Variants in TMPRSS2 observed in about 807,000 individuals in gnomAD.
The protein encoded by TMPRSS2 is transmembrane protease serine 2.
In TMPRSS2, 59 loss-of-function variants were observed where a neutral mutation model predicts 67.4. The observed-to-expected ratio is 0.88, with a 90% CI of 0.71 to 1.09. The LOEUF (loss-of-function observed/expected upper bound fraction) is 1.09. TMPRSS2 is among the 50% of genes least tolerant of loss of function. The pLI is 0.00. For synonymous variants in TMPRSS2, 257 were observed against 257.0 expected (o/e 1.00, Z 0.00); for missense variants, 668 against 642.7 (o/e 1.04, Z -0.43).
chr21:41,486,153 C>G (rs572593241), intron 5 of TMPRSS2, among the ~76,000 whole-genome samples: 1 of 152,188 alleles, frequency 6.6e-6, no homozygotes, highest in South Asian at 2.1e-4. Context: ...TCTGACTCTA[C>G]AATTCTGAAA....
chr21:41,495,766 C>T (rs2091376807), intron 2 of TMPRSS2, among the ~76,000 whole-genome samples: 2 of 151,984 alleles, frequency 1.3e-5, no homozygotes, highest in Admixed American at 6.6e-5. Flanking sequence ...GGCAGCAAAG[C>T]TCTGGGGCCC....
At chr21:41,493,356 A>G (rs2091353298) in intron 3 of TMPRSS2, among the ~76,000 whole-genome samples, 1 of 152,044 alleles carries the variant, frequency 6.6e-6, no homozygotes, top group South Asian at 2.1e-4. Flanking sequence ...GCCATTTGTG[A>G]AGGGTGAGGG....
At chr21:41,492,218 C>CA (rs34769294) in intron 3 of TMPRSS2, among the ~76,000 whole-genome samples, 33,928 of 151,584 alleles carry the variant, frequency 0.22, 3,904 homozygotes, top group Middle Eastern at 0.3. Context: ...AAACAAACAA[C>CA]AAAAAAAACC....
chr21:41,495,834 C>A (rs1286614347), intron 2 of TMPRSS2, among the ~76,000 whole-genome samples: 2 of 151,952 alleles, frequency 1.3e-5, no homozygotes, highest in Non-Finnish European at 2.9e-5. Flanking sequence ...CAGGGCAAAC[C>A]CACCCCAGGG....
intron 12 of TMPRSS2, 115 bp downstream of exon 12, chr21:41,468,281 G>T: frequency 7.3e-7 from 1 of 1,370,222 alleles, no homozygotes; most frequent in South Asian, 1.4e-5. Context: ...TGACTGCCCC[G>T]AGCTGGCTCC....
intron 11 of TMPRSS2, 112 bp downstream of exon 11, chr21:41,470,536 G>A (rs2091123405): frequency 1.0e-6 from 1 of 1,002,812 alleles, no homozygotes; most frequent in Non-Finnish European, 1.5e-6. Flanking sequence ...ATCAACCAAA[G>A]TCATCCAGTC....
chr21:41,489,596 G>A lies in TMPRSS2; in HGVS notation c.239-3C>T. 1 of 1,611,946 alleles carries A rather than the reference G, an allele frequency of 6.2e-7. No homozygotes were observed. The highest frequency in any genetic ancestry group is 1.1e-5 in the South Asian group (1 of 91,022). On this transcript the variant is annotated splice_region_variant and splice_polypyrimidine_tract_variant and intron_variant, in intron 3 of 13. Coordinates refer to ENST00000332149, the MANE Select transcript of TMPRSS2 (RefSeq NM_005656.4). ...GATGCACAGTGCTTTCTTAGTCTCT[G>A]GAAGAAGGAGGAGAGTGCAACGTTC...
chr21:41,470,545 T>C, intron 11 of TMPRSS2, 103 bp downstream of exon 11: 2 of 1,077,914 alleles, frequency 1.9e-6, no homozygotes, highest in South Asian at 1.5e-5. Context: ...AGTCATCCAG[T>C]CATTGAGTAG....
chr21:41,471,066 T>C (rs2091129328), intron 10 of TMPRSS2, among the ~76,000 whole-genome samples: 1 of 152,372 alleles, frequency 6.6e-6, no homozygotes, highest in African/African-American at 2.4e-5. Context: ...AAAAAGCCGA[T>C]GGAGTCAATG....
chr21:41,467,653 C>T, intron 13 of TMPRSS2, 81 bp downstream of exon 13: 1 of 1,543,814 alleles, frequency 6.5e-7, no homozygotes, highest in Non-Finnish European at 8.8e-7. Flanking sequence ...CAGCTTCCAG[C>T]AGCAGAACCA....
At chr21:41,497,767 A>C (rs548742822) in intron 2 of TMPRSS2, among the ~76,000 whole-genome samples, 1 of 152,228 alleles carries the variant, frequency 6.6e-6, no homozygotes, top group African/African-American at 2.4e-5. Flanking sequence ...CATCGATGGG[A>C]TCCCACGTGG....
chr21:41,504,945 T>C (rs907584611), intron 1 of TMPRSS2, among the ~76,000 whole-genome samples: 2 of 151,098 alleles, frequency 1.3e-5, no homozygotes, highest in African/African-American at 4.9e-5. Context: ...CGGGGAAGAG[T>C]AGCAAAGGCC....
At chr21:41,473,856 C>T (rs1431886737) in intron 8 of TMPRSS2, among the ~76,000 whole-genome samples, 1 of 143,270 alleles carries the variant, frequency 7.0e-6, no homozygotes, top group Non-Finnish European at 1.5e-5. Context: ...ATGGGAGGGG[C>T]AGGGCTGGAA....
chr21:41,486,000 G>A (rs2091295203), intron 5 of TMPRSS2, among the ~76,000 whole-genome samples: 3 of 152,170 alleles, frequency 2.0e-5, no homozygotes, highest in Non-Finnish European at 2.9e-5. Context: ...TTAGGAGAGG[G>A]GGGATTACTT....
At chr21:41,492,216 AAC>A (rs1428566119) in intron 3 of TMPRSS2, among the ~76,000 whole-genome samples, 5 of 142,714 alleles carry the variant, frequency 3.5e-5, no homozygotes, top group South Asian at 2.3e-4. Flanking sequence ...ACAAACAAAC[AAC>A]AAAAAAAACC....
At position 41,464,363 on chromosome 21, in the gene TMPRSS2, TAAG is replaced by T. The variant is rs1238471547; in HGVS notation, c.*1776_*1778del. Among the ~76,000 whole-genome samples the T allele has an allele frequency of 5.3e-5, 8 of 152,282 alleles. No homozygotes were observed. Among genetic ancestry groups the T allele is most frequent in the Admixed American group, 6.5e-5 (1 of 15,290 alleles). ...GCATGGAAACAGACTAATAGAATAA[TAAG>T]AAGGAGTCATTTGAGGGACCTCTCC... is the stretch of plus-strand genomic sequence containing the variant. On this transcript the variant is annotated 3_prime_UTR_variant, in exon 14 of 14. Transcript: ENST00000332149.
At position 41,465,592 on chromosome 21, in the gene TMPRSS2, G is replaced by A. The variant is rs899704883; in HGVS notation, c.*550C>T. The A allele has an allele frequency of 2.1e-5, 5 of 234,438 alleles. No individual in the cohort carries two copies. The highest frequency in any genetic ancestry group is 6.6e-5 in the African/African-American group (3 of 45,332). The allele number at this position is 234,438 out of a possible 1,614,324, so 14.5% of individuals were successfully genotyped here. On this transcript the variant is annotated 3_prime_UTR_variant, in exon 14 of 14. Transcript: ENST00000332149. ...TGTTCCCCTTACAAGTGACTACCAC[G>A]TCACCACCCATGAAGGGCTGGTCCC...
chr21:41,469,659 A>C (rs2091113966), intron 11 of TMPRSS2, among the ~76,000 whole-genome samples: 4 of 151,982 alleles, frequency 2.6e-5, no homozygotes, highest in Admixed American at 2.6e-4. Context: ...AATAGCCGGG[A>C]CCTTGTGATC....
chr21:41,498,127 A>AAGCCATCT lies in TMPRSS2; in HGVS notation c.-2_6dup (p.Leu3ArgfsTer4). 1.2e-6 allele frequency: 2 copies of AAGCCATCT among 1,611,448 alleles called. No individual in the cohort carries two copies. The highest frequency in any genetic ancestry group is 1.7e-6 in the Non-Finnish European group (2 of 1,177,840). The stretch of plus-strand genomic sequence containing the variant: ...AATAATTAACCACTTACTGAGTTCA[A>AAGCCATCT]AGCCATCTTGCTGTTATCAACAGCA... On this transcript the variant is annotated frameshift_variant, in exon 2 of 14. Transcript: ENST00000332149. LOFTEE classifies it high-confidence loss of function.
Sources: allele counts gnomAD v4.1 joint callset (sites outside exome capture counted in the v4.1 genomes callset), GRCh38; gene constraint gnomAD v4.1.1; transcripts MANE v1.5; gene names NCBI Gene and HGNC (gene_info 2026-07-23, HGNC 2026-07-21).